Variants in ITGA1 observed in about 807,000 individuals in gnomAD.
ITGA1 encodes integrin subunit alpha 1.
Under a neutral mutation model 145.9 loss-of-function variants are expected in ITGA1, and 85 were observed. That is an observed-to-expected ratio of 0.58 (90% CI 0.49 to 0.70). ITGA1 has a LOEUF of 0.70. ITGA1 is among the 30% of genes least tolerant of loss of function. The pLI is 0.00. For missense variants in ITGA1, 1,351 were observed against 1,418.7 expected, an observed-to-expected ratio of 0.95 and a Z score of 0.77; for synonymous variants, 520 against 495.3, an observed-to-expected ratio of 1.05 and a Z score of -0.66.
rs139006259 is a variant in ITGA1 at position 52,818,985 on chromosome 5, C to T, written c.62-30380C>T. 1.8e-3 allele frequency among the ~76,000 whole-genome samples: 281 copies of T among 152,238 alleles called. 2 individuals carry two copies. The highest frequency in any genetic ancestry group is 6.5e-3 in the African/African-American group (268 of 41,534). On this transcript the variant is annotated intron_variant, in intron 1 of 28. Transcript: ENST00000282588. ...CCTGTGTGAGTTAGATGACCCCAAT[C>T]CCTCCTGTACTATGCCCTTGGGAAC... is the stretch of plus-strand genomic sequence containing the variant.
At chr5:52,926,629 T>C (rs912917593) in intron 19 of ITGA1, among the ~76,000 whole-genome samples, 1 of 151,816 alleles carries the variant, frequency 6.6e-6, no homozygotes, top group South Asian at 2.1e-4. Context: ...TTATTATTAT[T>C]ATTATAAATA....
chr5:52,876,180 T>G (rs1025416848), intron 6 of ITGA1, among the ~76,000 whole-genome samples: 2 of 152,210 alleles, frequency 1.3e-5, no homozygotes, highest in East Asian at 3.9e-4. Context: ...CATACTTTAT[T>G]TGATTCTGCT....
chr5:52,822,891 T>C (rs1748902256), intron 1 of ITGA1, among the ~76,000 whole-genome samples: 1 of 152,210 alleles, frequency 6.6e-6, no homozygotes, highest in Non-Finnish European at 1.5e-5. Context: ...AGCCACAGTA[T>C]ATTAGGCAAA....
intron 8 of ITGA1, among the ~76,000 whole-genome samples, chr5:52,888,811 T>C (rs925541233): frequency 1.3e-5 from 2 of 152,176 alleles, no homozygotes; most frequent in Non-Finnish European, 2.9e-5. Context: ...GTGAGGGAGC[T>C]GAGAAAGAGG....
chr5:52,920,216 T>C, intron 16 of ITGA1, 116 bp from the exon 17 acceptor site: 1 of 756,368 alleles, frequency 1.3e-6, no homozygotes. Context: ...AACAATAGAA[T>C]CTTTTTTGAT....
At chr5:52,848,629 C>G (rs1452747827) in intron 1 of ITGA1, among the ~76,000 whole-genome samples, 1 of 151,794 alleles carries the variant, frequency 6.6e-6, no homozygotes, top group Non-Finnish European at 1.5e-5. Flanking sequence ...GCACAATGTG[C>G]AAGTTTGTTA....
rs1471419046 is a variant in ITGA1 at position 52,905,874 on chromosome 5, A to G, written c.1421A>G (p.Asn474Ser). 1.2e-6 allele frequency: 2 copies of G among 1,613,450 alleles called. No individual in the cohort carries two copies. Residue 474 changes from asparagine to serine, a missense_variant, in exon 12 of 29, where the codon AAC (asparagine) becomes AGC (serine). Transcript: ENST00000282588. ...QVIIYRMEDGNIKILQTLSGE... is the reference protein window; with the variant it reads ...QVIIYRMEDGSIKILQTLSGE... Reference sequence around the variant, plus strand: ...ATTATCTACAGGATGGAAGATGGAAACATCAAAATTCTCCAGACGCTCAGT... The same window carrying G: ...ATTATCTACAGGATGGAAGATGGAAGCATCAAAATTCTCCAGACGCTCAGT...
At chr5:52,945,132 G>A in intron 27 of ITGA1, 97 bp downstream of exon 27, 1 of 837,136 alleles carries the variant, frequency 1.2e-6, no homozygotes, top group South Asian at 1.6e-5. Flanking sequence ...AGCAGTGACT[G>A]GTATTGCTCT....
rs1561260806 is a variant in ITGA1, at chr5:52,955,841, A to G, written c.*3390A>G. On this transcript the variant is annotated 3_prime_UTR_variant, in exon 29 of 29. Coordinates refer to ENST00000282588, the MANE Select transcript of ITGA1 (RefSeq NM_181501.2). Reference sequence around the variant, plus strand: ...TTAATCTCTGAATATTTTCTGTGTCATAAGTGTGCTTGAAAAGAGGCTTGT... The same window carrying G: ...TTAATCTCTGAATATTTTCTGTGTCGTAAGTGTGCTTGAAAAGAGGCTTGT... 1 of 152,152 alleles carries G rather than the reference A, an allele frequency of 6.6e-6. No individual in the cohort carries two copies. The highest frequency in any genetic ancestry group is 1.5e-5 in the Non-Finnish European group (1 of 68,030). 9.4% of individuals were successfully genotyped at this position (152,152 alleles called of 1,614,324 possible).
chr5:52,825,871 T>C (rs764950338), intron 1 of ITGA1, among the ~76,000 whole-genome samples: 8 of 149,324 alleles, frequency 5.4e-5, no homozygotes, highest in Non-Finnish European at 5.9e-5. Flanking sequence ...TCAGCTGAGA[T>C]CATGCTACTG....
At chr5:52,806,778 A>G (rs1026675827) in intron 1 of ITGA1, among the ~76,000 whole-genome samples, 4 of 152,222 alleles carry the variant, frequency 2.6e-5, no homozygotes, top group East Asian at 1.9e-4. Flanking sequence ...AAATTGGAAT[A>G]TTATGAATGT....
intron 2 of ITGA1, among the ~76,000 whole-genome samples, chr5:52,853,894 C>G (rs371329103): frequency 3.9e-5 from 6 of 152,270 alleles, no homozygotes; most frequent in African/African-American, 1.2e-4. Context: ...ACAGCACAAG[C>G]CTTCCAGATT....
At chr5:52,823,225 G>T (rs1427511999) in intron 1 of ITGA1, among the ~76,000 whole-genome samples, 1 of 152,156 alleles carries the variant, frequency 6.6e-6, no homozygotes, top group African/African-American at 2.4e-5. Context: ...TTAATTTTTA[G>T]ACAGAGTTTT....
intron 1 of ITGA1, chr5:52,824,164 A>T (rs1400137609): frequency 6.6e-6 from 1 of 152,166 alleles, no homozygotes; most frequent in East Asian, 1.9e-4. Context: ...TACCAAAGGA[A>T]TTAAATATGG....
At position 52,864,782 on chromosome 5, in the gene ITGA1, T is replaced by C. The variant is rs746518846; in HGVS notation, c.315T>C (p.Asn105=). Residue 105 remains asparagine (N), a synonymous_variant, in exon 4 of 29, where the codon AAT becomes AAC. Coordinates refer to ENST00000282588, the MANE Select transcript of ITGA1 (RefSeq NM_181501.2). The part of the protein sequence containing the change: ...LDLPVNTSIP[N]VTEVKENMTF... Reference sequence around the variant, plus strand: ...TTTTAGTTAATACATCAATTCCCAATGTCACAGAAGTAAAGGAGAACATGA... The same window carrying C: ...TTTTAGTTAATACATCAATTCCCAACGTCACAGAAGTAAAGGAGAACATGA... 1 of 1,609,378 alleles carries C rather than the reference T, an allele frequency of 6.2e-7. No individual in the cohort carries two copies. The highest frequency in any genetic ancestry group is 1.3e-5 in the African/African-American group (1 of 74,872).
At chr5:52,874,951 AT>A (rs1580073874) in intron 6 of ITGA1, among the ~76,000 whole-genome samples, 1 of 152,224 alleles carries the variant, frequency 6.6e-6, no homozygotes, top group African/African-American at 2.4e-5. Flanking sequence ...TCACAAAAAA[AT>A]ATTACTTTAA....
At chr5:52,843,234 A>G (rs966115581) in intron 1 of ITGA1, among the ~76,000 whole-genome samples, 2 of 152,176 alleles carry the variant, frequency 1.3e-5, no homozygotes, top group Non-Finnish European at 2.9e-5. Flanking sequence ...TTATGTCATT[A>G]TTTCATTCCT....
intron 28 of ITGA1, among the ~76,000 whole-genome samples, chr5:52,950,906 A>C (rs7718758): frequency 0.34 from 51,706 of 152,004 alleles, 8,989 homozygotes; most frequent in South Asian, 0.39. Context: ...TAAGAAGCCT[A>C]ATGGTTTGTG....
intron 10 of ITGA1, among the ~76,000 whole-genome samples, chr5:52,897,831 T>C (rs570762261): frequency 3.5e-5 from 3 of 84,794 alleles, no homozygotes; most frequent in East Asian, 6.8e-4. Flanking sequence ...TTGCTACAGA[T>C]GTGGAATATT....
Sources: gnomAD v4.1 joint callset for allele counts (sites outside exome capture counted in the v4.1 genomes callset) on GRCh38, gnomAD v4.1.1 for gene constraint, MANE v1.5 for transcripts, NCBI Gene and HGNC (gene_info 2026-07-23, HGNC 2026-07-21) for gene names.